The following OTUD6B variants were observed in gnomAD, a reference collection of about 807,000 sequenced individuals.
OTUD6B encodes the protein deubiquitinase OTUD6B.
Under a neutral mutation model 36.9 loss-of-function variants are expected in OTUD6B, and 41 were observed. That is an observed-to-expected ratio of 1.11 (90% CI 0.87 to 1.44). OTUD6B has a LOEUF of 1.44. Ranked by LOEUF, OTUD6B falls within the 40% of genes most tolerant of loss-of-function variation. The probability of loss-of-function intolerance (pLI) is 0.00; values close to 1 mark genes in which losing one functional copy is unlikely to be tolerated. For synonymous variants in OTUD6B, 114 were observed against 114.2 expected, an observed-to-expected ratio of 1.00 and a Z score of 0.01; for missense variants, 356 against 344.8, an observed-to-expected ratio of 1.03 and a Z score of -0.26.
Position 91,080,632 on chromosome 8 carries a change from AATT to A in OTUD6B, c.629-32_629-30del, listed in dbSNP as rs764675767. On this transcript the variant is annotated intron_variant, in intron 4 of 6. Coordinates refer to ENST00000404789, the MANE Select transcript of OTUD6B (RefSeq NM_016023.5). ...GGGATTTTGTAACATGAGTTACAAA[AATT>A]ATTAAGTGCTGTATTCTGACCTAAT... 1.4e-4 allele frequency: 225 copies of A among 1,556,642 alleles called. 1 individual carries two copies. The highest frequency in any genetic ancestry group is 1.8e-4 in the Non-Finnish European group (212 of 1,151,944).
At chr8:91,077,720 A>T (rs188563717) in intron 3 of OTUD6B, among the ~76,000 whole-genome samples, 1 of 152,228 alleles carries the variant, frequency 6.6e-6, no homozygotes, top group East Asian at 1.9e-4. Flanking sequence ...TTTCAAGAGT[A>T]TACCATATTT....
intron 2 of OTUD6B, among the ~76,000 whole-genome samples, chr8:91,073,060 G>T (rs1343989692): frequency 2.0e-5 from 3 of 152,108 alleles, no homozygotes; most frequent in African/African-American, 7.2e-5. Flanking sequence ...ATAGTTGATA[G>T]CCACTCTTTG....
chr8:91,080,801 A>G (rs1240911397), intron 5 of OTUD6B, 71 bp downstream of exon 5: 6 of 1,159,988 alleles, frequency 5.2e-6, no homozygotes, highest in Admixed American at 2.3e-5. Context: ...TAGTTTTTAG[A>G]TGTTTCTCAG....
At chr8:91,080,494 G>A (rs1197172088) in intron 4 of OTUD6B, 175 bp from the exon 5 acceptor site, 4 of 814,328 alleles carry the variant, frequency 4.9e-6, no homozygotes, top group Non-Finnish European at 5.9e-6. Context: ...GTAGAAAGTT[G>A]GGGTGAATTA....
rs2130450956 is a variant in OTUD6B at position 91,086,345 on chromosome 8, TC to T, written c.*1479del. ...GGGTCATTGATAGCAAGTAAGTACTTCCTGAAGGCTTTCCAGTTCAAAAGAT... is the reference window on the plus strand; with the variant it reads ...GGGTCATTGATAGCAAGTAAGTACTTCTGAAGGCTTTCCAGTTCAAAAGAT... On this transcript the variant is annotated 3_prime_UTR_variant, in exon 7 of 7. Coordinates refer to ENST00000404789, the MANE Select transcript of OTUD6B (RefSeq NM_016023.5). 1 of 152,024 alleles carries T rather than the reference TC, an allele frequency of 6.6e-6. No individual in the cohort carries two copies. Among genetic ancestry groups the T allele is most frequent in the East Asian group, 1.9e-4 (1 of 5,192 alleles). 9.4% of individuals were successfully genotyped at this position (152,024 alleles called of 1,614,324 possible).
intron 3 of OTUD6B, 25 bp from the exon 4 acceptor site, chr8:91,078,331 C>A: frequency 1.3e-6 from 2 of 1,518,704 alleles, no homozygotes; most frequent in Admixed American, 2.3e-5. Flanking sequence ...TATGAATTAA[C>A]TTTCATGCAT....
chr8:91,078,169 A>T lies in OTUD6B; in HGVS notation c.316-187A>T, dbSNP rs549356394. 1.4e-5 allele frequency: 11 copies of T among 772,628 alleles called. No individual in the cohort carries two copies. In the East Asian group the frequency reaches 1.3e-3, roughly 90 times the overall value. The allele number at this position is 772,628 out of a possible 1,614,324, so 47.9% of individuals were successfully genotyped here. On this transcript the variant is annotated intron_variant, in intron 3 of 6. Coordinates refer to ENST00000404789, the MANE Select transcript of OTUD6B (RefSeq NM_016023.5). ...ATAGAGCAAGGTGCTGGAAACACAC[A>T]GATGAGTAAGAGAGTAAGGAGCTCA...
In OTUD6B at chr8:91,082,583, C is replaced by T. The variant is rs777552911; in HGVS notation, c.691-1425C>T. ...CTGTGTTGCCCAGGCTGGTCTCGAACGCCTGAGTTCAAGTGACTTTGACAA... is the reference window on the plus strand; with the variant it reads ...CTGTGTTGCCCAGGCTGGTCTCGAATGCCTGAGTTCAAGTGACTTTGACAA... On this transcript the variant is annotated intron_variant, in intron 5 of 6. Transcript: ENST00000404789. Among the ~76,000 whole-genome samples the T allele has an allele frequency of 2.6e-5, 4 of 151,650 alleles. No homozygotes were observed. The East Asian group carries it at 5.9e-4, about 22-fold the overall frequency.
intron 3 of OTUD6B, among the ~76,000 whole-genome samples, chr8:91,075,052 A>T (rs759161603): frequency 3.3e-5 from 5 of 152,078 alleles, no homozygotes; most frequent in Non-Finnish European, 7.4e-5. Context: ...TGCCTCTTAA[A>T]AATGTAACCT....
rs778907636 is a variant in OTUD6B at position 91,080,747 on chromosome 8, T to G, written c.690+17T>G. ...CAGCTTGAGGTAAGTTTGTAGTTAT[T>G]CATAGTGATTGTGGGTTGTTAAATT... On this transcript the variant is annotated intron_variant, in intron 5 of 6. Transcript: ENST00000404789. The G allele has an allele frequency of 7.0e-6, 11 of 1,570,056 alleles. No individual in the cohort carries two copies. Among genetic ancestry groups the G allele is most frequent in the Non-Finnish European group, 9.6e-6 (11 of 1,149,156 alleles).
chr8:91,077,457 T>C (rs1221637462), intron 3 of OTUD6B, among the ~76,000 whole-genome samples: 1 of 152,074 alleles, frequency 6.6e-6, no homozygotes, highest in Non-Finnish European at 1.5e-5. Context: ...TGTTTTTAGC[T>C]ATGAAACATA....
Position 91,078,594 on chromosome 8 carries a change from A to C in OTUD6B, c.554A>C (p.Glu185Ala). The change falls in exon 4 of 7, where the codon GAG (glutamate) becomes GCG (alanine). Residue 185 changes from glutamate to alanine, a missense_variant. By Grantham distance (107) the Glu-to-Ala change is moderately radical. Coordinates refer to ENST00000404789, the MANE Select transcript of OTUD6B (RefSeq NM_016023.5). ...GTTGCCTTGAGAAGTCAGACCGCTG[A>C]GTATATGCAAAGCCATGTGGAAGAC... Reference protein sequence around the residue: ...TVVALRSQTAEYMQSHVEDFL... With the variant: ...TVVALRSQTAAYMQSHVEDFL... The C allele has an allele frequency of 6.2e-7, 1 of 1,603,866 alleles. No individual in the cohort carries two copies. The highest frequency in any genetic ancestry group is 8.5e-7 in the Non-Finnish European group (1 of 1,174,558).
At chr8:91,082,442 C>T (rs1812923569) in intron 5 of OTUD6B, among the ~76,000 whole-genome samples, 1 of 151,718 alleles carries the variant, frequency 6.6e-6, no homozygotes, top group African/African-American at 2.4e-5. Context: ...AGTGGTGCCA[C>T]CCATCATTGT....
At chr8:91,075,767 C>T (rs956659844) in intron 3 of OTUD6B, among the ~76,000 whole-genome samples, 2 of 152,106 alleles carry the variant, frequency 1.3e-5, no homozygotes, top group African/African-American at 4.8e-5. Flanking sequence ...GATGCACAAT[C>T]GGGTGTTAGA....
intron 5 of OTUD6B, among the ~76,000 whole-genome samples, chr8:91,083,255 T>C (rs1016353013): frequency 3.9e-5 from 6 of 152,122 alleles, no homozygotes; most frequent in Admixed American, 3.3e-4. Flanking sequence ...TTTAAAAAAA[T>C]AAATATTTTG....
chr8:91,078,262 A>C, intron 3 of OTUD6B, 94 bp from the exon 4 acceptor site: 1 of 1,451,176 alleles, frequency 6.9e-7, no homozygotes, highest in Non-Finnish European at 9.0e-7. Flanking sequence ...TAAACACCGG[A>C]AAGTTTTGAG....
At chr8:91,074,723 CTT>C (rs1428845063) in intron 3 of OTUD6B, among the ~76,000 whole-genome samples, 2 of 151,986 alleles carry the variant, frequency 1.3e-5, no homozygotes, top group Non-Finnish European at 2.9e-5. Context: ...TTTATTAACA[CTT>C]GATGTTTTCT....
chr8:91,078,982 G>T (rs994110077), intron 4 of OTUD6B: 1 of 189,156 alleles, frequency 5.3e-6, no homozygotes, highest in Non-Finnish European at 1.1e-5. Flanking sequence ...ATTGAGGAAG[G>T]TAAGCTTCAG....
At position 91,071,244 on chromosome 8, in the gene OTUD6B, TAGAG is replaced by T. The variant is rs748735420; in HGVS notation, c.192_195del (p.Glu65AsnfsTer5). 23 of 1,613,614 alleles carry T rather than the reference TAGAG, an allele frequency of 1.4e-5. No individual in the cohort carries two copies. Among genetic ancestry groups the T allele is most frequent in the East Asian group, 2.2e-5 (1 of 44,886 alleles). ...TGGAAAAAGAAATGGAACAGAAACATAGAGAGGAACTGGAGCAATTGAAGCTGAC... is the reference window on the plus strand; with the variant it reads ...TGGAAAAAGAAATGGAACAGAAACATAGGAACTGGAGCAATTGAAGCTGAC... On this transcript the variant is annotated frameshift_variant, in exon 2 of 7. Coordinates refer to ENST00000404789, the MANE Select transcript of OTUD6B (RefSeq NM_016023.5). LOFTEE classifies it high-confidence loss of function.
Sources: gnomAD v4.1 joint callset for allele counts (sites outside exome capture counted in the v4.1 genomes callset) on GRCh38, gnomAD v4.1.1 for gene constraint, MANE v1.5 for transcripts, NCBI Gene and HGNC (gene_info 2026-07-23, HGNC 2026-07-21) for gene names.